Variants in RADIL observed in about 807,000 individuals in gnomAD.
RADIL encodes the protein Rap associating with DIL domain.
Under a neutral mutation model 97.6 loss-of-function variants are expected in RADIL, and 99 were observed. That is an observed-to-expected ratio of 1.01 (90% CI 0.86 to 1.20). The LOEUF (loss-of-function observed/expected upper bound fraction) is 1.20, where lower values mean the gene tolerates loss of function less well. Ranked by LOEUF, RADIL falls within the 50% of genes most tolerant of loss-of-function variation. The pLI is 0.00. For missense variants in RADIL, 1,765 were observed against 1,498.9 expected, an observed-to-expected ratio of 1.18 and a Z score of -2.93; for synonymous variants, 803 against 691.8, an observed-to-expected ratio of 1.16 and a Z score of -2.52.
chr7:4,800,537 C>T (rs1583253911), intron 12 of RADIL, among the ~76,000 whole-genome samples: 2 of 152,156 alleles, frequency 1.3e-5, no homozygotes, highest in Non-Finnish European at 2.9e-5. Context: ...CCTCAGTCCC[C>T]GCCCCTGGCA....
At chr7:4,836,215 A>G in intron 3 of RADIL, 143 bp downstream of exon 3, 2 of 1,323,436 alleles carry the variant, frequency 1.5e-6, no homozygotes, top group South Asian at 2.7e-5. Context: ...ATCCCACTCC[A>G]CAGCCTCGGC....
At chr7:4,855,635 A>C (rs1462316647) in intron 2 of RADIL, among the ~76,000 whole-genome samples, 2 of 151,142 alleles carry the variant, frequency 1.3e-5, no homozygotes, top group African/African-American at 2.4e-5. Context: ...AAAAAAAAAA[A>C]AAAAAAAAAA....
intron 4 of RADIL, 74 bp from the exon 5 acceptor site, chr7:4,832,252 A>G: frequency 7.0e-7 from 1 of 1,431,280 alleles, no homozygotes; most frequent in Non-Finnish European, 9.7e-7. Flanking sequence ...AATACACGAT[A>G]CCATCGACAG....
chr7:4,832,340 C>G, intron 4 of RADIL, 162 bp from the exon 5 acceptor site: 1 of 681,960 alleles, frequency 1.5e-6, no homozygotes, highest in Non-Finnish European at 2.6e-6. Flanking sequence ...GGACATTTTC[C>G]ATGTGACTTC....
chr7:4,844,438 C>CA (rs1371969962), intron 2 of RADIL, among the ~76,000 whole-genome samples: 2 of 151,380 alleles, frequency 1.3e-5, no homozygotes, highest in Admixed American at 6.6e-5. Flanking sequence ...AGTGAGACTC[C>CA]ATCTAAAAAA....
Position 4,878,934 on chromosome 7 carries a change from G to C in RADIL, c.-64-731C>G, listed in dbSNP as rs1377575237. ...ACGTGGGAAATGGGTCACAAACACA[G>C]TGCAACCAGGAAAACAGGCGAATCG... On this transcript the variant is annotated intron_variant, in intron 1 of 14. Coordinates refer to ENST00000399583, the MANE Select transcript of RADIL (RefSeq NM_018059.5). The surrounding 1 kb of genome is among the most constrained non-coding windows in gnomAD (Gnocchi z 4.1). Among the ~76,000 whole-genome samples, 2 of 152,266 alleles carry C rather than the reference G, an allele frequency of 1.3e-5. No homozygotes were observed. Among genetic ancestry groups the C allele is most frequent in the Non-Finnish European group, 2.9e-5 (2 of 68,052 alleles).
At chr7:4,856,442 C>T (rs1783833052) in intron 2 of RADIL, among the ~76,000 whole-genome samples, 1 of 152,186 alleles carries the variant, frequency 6.6e-6, no homozygotes, top group African/African-American at 2.4e-5. Context: ...TTTCCTTTGT[C>T]ACCCTTAATA....
At chr7:4,863,672 G>A (rs1484599912) in intron 2 of RADIL, among the ~76,000 whole-genome samples, 1 of 152,328 alleles carries the variant, frequency 6.6e-6, no homozygotes, top group East Asian at 1.9e-4. Flanking sequence ...TCCCACCCAA[G>A]TCAAGAGAGA....
chr7:4,873,177 C>A lies in RADIL; in HGVS notation c.535+4428G>T, dbSNP rs867536014. 2.6e-5 allele frequency among the ~76,000 whole-genome samples: 4 copies of A among 152,164 alleles called. 1 individual carries two copies. Among genetic ancestry groups the A allele is most frequent in the South Asian group, 2.1e-4 (1 of 4,836 alleles). On this transcript the variant is annotated intron_variant, in intron 2 of 14. Coordinates refer to ENST00000399583, the MANE Select transcript of RADIL (RefSeq NM_018059.5). This position sits in a 1 kb window ranked among gnomAD's most constrained non-coding sequence, Gnocchi z 4.3. ...TGAACTCCTGACTTCAATTGATCTGCCTGCCTCGGCCTCCCAAAGTGCTGG... is the reference window on the plus strand; with the variant it reads ...TGAACTCCTGACTTCAATTGATCTGACTGCCTCGGCCTCCCAAAGTGCTGG...
At chr7:4,861,225 T>C (rs747650993) in intron 2 of RADIL, 3 of 1,614,198 alleles carry the variant, frequency 1.9e-6, no homozygotes, top group Admixed American at 1.7e-5. Flanking sequence ...ATGCATCTAA[T>C]GTCTAAATTT....
Position 4,834,875 on chromosome 7 carries a change from C to A in RADIL, c.1148G>T (p.Gly383Val). The A allele has an allele frequency of 7.0e-7, 1 of 1,424,148 alleles. No individual in the cohort carries two copies. The highest frequency in any genetic ancestry group is 9.2e-7 in the Non-Finnish European group (1 of 1,091,556). 88.2% of individuals were successfully genotyped at this position (1,424,148 alleles called of 1,614,324 possible). The change falls in exon 4 of 15, where the codon GGG becomes GTG. Residue 383 changes from glycine to valine, a missense_variant. Gly to Val is a moderately radical substitution (Grantham distance 109). Transcript: ENST00000399583. This position sits in a 1 kb window ranked among gnomAD's most constrained non-coding sequence, Gnocchi z 6.0. ...GGCTCCCCGGGCCCCGAGCGCGGCC[C>A]CGCACAGCCGGCAGCTCTGCGGCAC... ...RAVPQSCRLC[G>V]AALGARGAAS...
At chr7:4,805,513 G>A in intron 10 of RADIL, 53 bp downstream of exon 10, 1 of 1,498,126 alleles carries the variant, frequency 6.7e-7, no homozygotes, top group South Asian at 1.3e-5. Flanking sequence ...CCAGCCTCGG[G>A]GCGAGTCTCC....
At chr7:4,801,586 G>A in intron 12 of RADIL, 67 bp downstream of exon 12, 1 of 1,484,710 alleles carries the variant, frequency 6.7e-7, no homozygotes, top group South Asian at 1.2e-5. Flanking sequence ...GATCCCAGGG[G>A]ACCGGCCATC....
In RADIL at chr7:4,815,358, C is replaced by G. The variant is rs375439747; in HGVS notation, c.2059G>C (p.Gly687Arg). The change falls in exon 9 of 15, where the codon GGG becomes CGG. Residue 687 changes from glycine to arginine, a missense_variant. Physicochemically the swap from Gly to Arg is moderately radical, Grantham distance 125 (BLOSUM62 -2). Transcript: ENST00000399583. This position sits in a 1 kb window ranked among gnomAD's most constrained non-coding sequence, Gnocchi z 8.0. ...LLEWMRSAGF[G>R]AAGEHFFQKL... ...TGGAAGAAGTGCTCTCCAGCCGCCC[C>G]GAAGCCGGCGCTCCGCATCCACTCC... The G allele has an allele frequency of 3.2e-6, 5 of 1,558,474 alleles. No individual in the cohort carries two copies. The highest frequency in any genetic ancestry group is 1.9e-4 in the Middle Eastern group (1 of 5,138).
At chr7:4,808,593 C>T in intron 9 of RADIL, 2 of 985,348 alleles carry the variant, frequency 2.0e-6, no homozygotes, top group Non-Finnish European at 2.4e-6. Flanking sequence ...GAAGTCCTCA[C>T]AGCTTGGCCC....
chr7:4,818,725 C>T lies in RADIL; in HGVS notation c.1616-1374G>A, dbSNP rs1782746947. On this transcript the variant is annotated intron_variant, in intron 6 of 14. Transcript: ENST00000399583. This position sits in a 1 kb window ranked among gnomAD's most constrained non-coding sequence, Gnocchi z 7.1. Reference sequence around the variant, plus strand: ...CTGTCCCGTCCACCTGTCCTGGTGCCCTGACCCTGGCTGCCTCAGGCTGCC... The same window carrying T: ...CTGTCCCGTCCACCTGTCCTGGTGCTCTGACCCTGGCTGCCTCAGGCTGCC... Among the ~76,000 whole-genome samples the T allele has an allele frequency of 2.0e-5, 3 of 152,264 alleles. No homozygotes were observed. Among genetic ancestry groups the T allele is most frequent in the African/African-American group, 7.2e-5 (3 of 41,560 alleles).
rs537087118 is a variant in RADIL, at chr7:4,837,161, T to C, written c.536-556A>G. On this transcript the variant is annotated intron_variant, in intron 2 of 14. Transcript: ENST00000399583. This position sits in a 1 kb window ranked among gnomAD's most constrained non-coding sequence, Gnocchi z 5.6. ...AGTCTCAGAGCAGGCAGCCTGCCTG[T>C]CAAATCCTCAGGCTGAGGGGACCAC... is the stretch of plus-strand genomic sequence containing the variant. Among the ~76,000 whole-genome samples the C allele has an allele frequency of 1.7e-3, 265 of 152,120 alleles. 2 individuals are homozygous for C. The highest frequency in any genetic ancestry group is 6.2e-3 in the African/African-American group (259 of 41,510).
In RADIL at chr7:4,813,108, T is replaced by TC. The variant is rs1395187071; in HGVS notation, c.2139+2169dup. 4.8e-4 allele frequency among the ~76,000 whole-genome samples: 68 copies of TC among 141,588 alleles called. 1 individual carries two copies. The highest frequency in any genetic ancestry group is 1.8e-3 in the African/African-American group (63 of 34,356). The allele number at this position is 141,588 out of a possible 152,430, so 92.9% of individuals were successfully genotyped here. A position where few individuals can be genotyped will look rare whatever the true frequency, so the allele number is the denominator to read the frequency against. On this transcript the variant is annotated intron_variant, in intron 9 of 14. Transcript: ENST00000399583. This position sits in a 1 kb window ranked among gnomAD's most constrained non-coding sequence, Gnocchi z 5.0. ...TCTCTCTCTCTCTCTCTCTTTCCTT[T>TC]CTTTCTTTCTTTTCTTTCTTTCATA...
intron 2 of RADIL, among the ~76,000 whole-genome samples, chr7:4,851,818 CA>C (rs1783715862): frequency 6.6e-6 from 1 of 152,114 alleles, no homozygotes; most frequent in Admixed American, 6.6e-5. Context: ...CAAGAGATGC[CA>C]AAAGTCAGAA....
Sources: gnomAD v4.1 joint callset for allele counts (sites outside exome capture counted in the v4.1 genomes callset) on GRCh38, gnomAD v4.1.1 for gene constraint, Gnocchi (gnomAD v3.1) non-coding constraint, MANE v1.5 for transcripts, NCBI Gene and HGNC (gene_info 2026-07-23, HGNC 2026-07-21) for gene names.